Variants in DSC2 observed in about 807,000 individuals in gnomAD.
DSC2 encodes desmocollin 2, also known as desmocollin-2.
A neutral mutation model predicts 87.6 loss-of-function variants in DSC2; 51 were observed. That is an observed-to-expected ratio of 0.58 (90% CI 0.46 to 0.74). DSC2 has a LOEUF of 0.74. Among genes scored for constraint, DSC2 ranks in the 30% least tolerant of loss-of-function variants. The pLI is 0.00. For missense variants in DSC2, 1,066 were observed against 1,089.5 expected (o/e 0.98, Z 0.30); for synonymous variants, 383 against 393.2 (o/e 0.97, Z 0.31).
intron 5 of DSC2, among the ~76,000 whole-genome samples, chr18:31,088,023 C>G (rs953372028): frequency 5.9e-5 from 9 of 152,112 alleles, no homozygotes; most frequent in Admixed American, 1.3e-4. Context: ...TTAAATTTAT[C>G]TCTTTAAATT....
intron 1 of DSC2, among the ~76,000 whole-genome samples, chr18:31,096,140 A>G (rs576462140): frequency 2.0e-5 from 3 of 152,276 alleles, no homozygotes; most frequent in African/African-American, 7.2e-5. Context: ...TTTGAATGTG[A>G]TAGATCTGTC....
intron 6 of DSC2, 114 bp downstream of exon 6, chr18:31,087,555 A>C (rs1160846697): frequency 7.2e-6 from 9 of 1,249,994 alleles, no homozygotes; most frequent in Non-Finnish European, 1.0e-5. Flanking sequence ...AATTCCACCC[A>C]GAGTCCCTTA....
Position 31,070,764 on chromosome 18 carries a change from T to C in DSC2, c.2212A>G (p.Ile738Val). The C allele has an allele frequency of 6.2e-7, 1 of 1,613,928 alleles. No individual in the cohort carries two copies. The highest frequency in any genetic ancestry group is 2.2e-5 in the East Asian group (1 of 44,844). ...CCAGGAGCTTCTGTGTTTGATACAA[T>C]TAGGTTCTGCTGGGCTAAATCATCA... ...IPDDLAQQNL[I>V]VSNTEAPGDD... The change falls in exon 14 of 16, where the codon ATT becomes GTT. Residue 738 changes from isoleucine (I) to valine (V), a missense_variant. Ile to Val is a conservative substitution (Grantham distance 29). Transcript: ENST00000280904.
Position 31,065,667 on chromosome 18 carries a change from T to A in DSC2, c.*2348A>T, listed in dbSNP as rs926565716. On this transcript the variant is annotated 3_prime_UTR_variant, in exon 16 of 16. Transcript: ENST00000280904. ...GCTAGGGAAGAAGCCAAGGAAGGGA[T>A]TGACAGGGAGAATCTAAAATACACA... is the stretch of plus-strand genomic sequence containing the variant. The A allele has an allele frequency of 1.3e-5, 2 of 152,186 alleles. No individual in the cohort carries two copies. Among genetic ancestry groups the A allele is most frequent in the Non-Finnish European group, 2.9e-5 (2 of 68,040 alleles). The allele number at this position is 152,186 out of a possible 1,614,324, so 9.4% of individuals were successfully genotyped here.
chr18:31,074,801 T>C lies in DSC2; in HGVS notation c.1770A>G (p.Ser590=). The change falls in exon 12 of 16, where the codon TCA becomes TCG. Residue 590 remains serine (S), a synonymous_variant. Transcript: ENST00000280904. The part of the protein sequence containing the change: ...KTVIICKPTM[S]SAEIVAVDPD... The stretch of plus-strand genomic sequence containing the variant: ...GATCAACCGCAACAATCTCCGCAGA[T>C]GACATGGTGGGTTTGCAGATGATCA... 2 of 1,614,064 alleles carry C rather than the reference T, an allele frequency of 1.2e-6. No individual in the cohort carries two copies. Among genetic ancestry groups the C allele is most frequent in the African/African-American group, 1.3e-5 (1 of 75,052 alleles).
intron 1 of DSC2, chr18:31,101,620 A>C: frequency 1.5e-5 from 6 of 391,930 alleles, no homozygotes; most frequent in African/African-American, 2.1e-5. Context: ...CCCAGGGGCC[A>C]CGATTTTGGC....
chr18:31,068,549 C>T (rs1368947868), intron 15 of DSC2, among the ~76,000 whole-genome samples: 1 of 152,094 alleles, frequency 6.6e-6, no homozygotes, highest in African/African-American at 2.4e-5. Context: ...CAGTTCTTCC[C>T]AGATAGACAT....
In DSC2 at chr18:31,093,553, C is replaced by T. The variant is rs778131915; in HGVS notation, c.154+6G>A. 12 of 1,600,672 alleles carry T rather than the reference C, an allele frequency of 7.5e-6. No homozygotes were observed. The East Asian group carries it at 2.5e-4, about 33-fold the overall frequency. On this transcript the variant is annotated splice_donor_region_variant and intron_variant, in intron 2 of 15. Coordinates refer to ENST00000280904, the MANE Select transcript of DSC2 (RefSeq NM_024422.6). ...GGATTTATTACAAATTTTAGGGCTT[C>T]CTTACCTCTACCAACAAGTTTCTCG... is the stretch of plus-strand genomic sequence containing the variant.
chr18:31,068,852 A>G (rs1490171586), intron 15 of DSC2, 42 bp downstream of exon 15: 1 of 1,610,640 alleles, frequency 6.2e-7, no homozygotes, highest in Non-Finnish European at 8.5e-7. Context: ...TAAAGTTTAA[A>G]GAAAATTAAA....
At chr18:31,080,408 C>G in intron 9 of DSC2, 56 bp from the exon 10 acceptor site, 1 of 1,591,146 alleles carries the variant, frequency 6.3e-7, no homozygotes, top group Middle Eastern at 1.7e-4. Context: ...TTTGGCAATG[C>G]TAACGAGTAT....
intron 11 of DSC2, among the ~76,000 whole-genome samples, chr18:31,079,399 G>T (rs946898062): frequency 6.6e-6 from 1 of 151,976 alleles, no homozygotes; most frequent in East Asian, 1.9e-4. Context: ...GATTACAGGT[G>T]CATGCCACTA....
At position 31,060,736 on chromosome 18, in the gene DSC2, T is replaced by C. The variant is rs1986484679; in HGVS notation, c.*7279A>G. 6.6e-6 allele frequency: 1 copy of C among 152,226 alleles called. No homozygotes were observed. The highest frequency in any genetic ancestry group is 1.5e-5 in the Non-Finnish European group (1 of 68,040). The allele number at this position is 152,226 out of a possible 1,614,324, so 9.4% of individuals were successfully genotyped here. ...GCAAAACTTGTTAATTTTTATTAAA[T>C]GTTTTCTGTGTGGCTTTGTTCTGCA... On this transcript the variant is annotated 3_prime_UTR_variant, in exon 16 of 16. Transcript: ENST00000280904.
intron 11 of DSC2, among the ~76,000 whole-genome samples, chr18:31,078,782 TA>T (rs1368915832): frequency 9.9e-5 from 15 of 152,172 alleles, no homozygotes; most frequent in African/African-American, 3.6e-4. Context: ...TTGCAAGTTA[TA>T]GTATAATAAT....
chr18:31,087,566 T>C (rs1244843635), intron 6 of DSC2, 103 bp downstream of exon 6: 1 of 1,355,040 alleles, frequency 7.4e-7, no homozygotes, highest in African/African-American at 1.4e-5. Context: ...GAGTCCCTTA[T>C]TCTTGCTGCT....
intron 12 of DSC2, 134 bp from the exon 13 acceptor site, chr18:31,071,975 G>T (rs1986853616): frequency 1.2e-6 from 1 of 808,912 alleles, no homozygotes; most frequent in Admixed American, 2.0e-5. Context: ...GCTGCTAGAA[G>T]ATTCTAAATG....
At chr18:31,078,992 T>C (rs1294702464) in intron 11 of DSC2, among the ~76,000 whole-genome samples, 1 of 152,138 alleles carries the variant, frequency 6.6e-6, no homozygotes, top group Admixed American at 6.5e-5. Flanking sequence ...TCTCTAATTT[T>C]ATAATATACT....
rs200394368 is a variant in DSC2 at position 31,058,880 on chromosome 18, A to G, written c.*9135T>C. 2.6e-5 allele frequency: 4 copies of G among 152,278 alleles called. No homozygotes were observed. The East Asian group carries it at 7.7e-4, about 29-fold the overall frequency. The allele number at this position is 152,278 out of a possible 1,614,324, so 9.4% of individuals were successfully genotyped here. ...TTTAATAGTACGTCTCCGTGAACAT[A>G]TTATATCACTTCTGGGACTACATAT... is the stretch of plus-strand genomic sequence containing the variant. On this transcript the variant is annotated 3_prime_UTR_variant, in exon 16 of 16. Transcript: ENST00000280904.
rs748049261 is a variant in DSC2 at position 31,067,531 on chromosome 18, T to C, written c.*484A>G. ...CCTTTGCACAGTGAAAAGGTCACAT[T>C]ACAAGAATAAAATAATAGCAAGAAT... On this transcript the variant is annotated 3_prime_UTR_variant, in exon 16 of 16. Transcript: ENST00000280904. The C allele has an allele frequency of 3.1e-5, 5 of 163,212 alleles. No individual in the cohort carries two copies. The highest frequency in any genetic ancestry group is 1.2e-4 in the Admixed American group (2 of 16,858). The allele number at this position is 163,212 out of a possible 1,614,324, so 10.1% of individuals were successfully genotyped here.
chr18:31,071,986 T>C, intron 12 of DSC2, 145 bp from the exon 13 acceptor site: 1 of 779,384 alleles, frequency 1.3e-6, no homozygotes. Context: ...ATTCTAAATG[T>C]GAATGGCTAG....
Sources: gnomAD v4.1 joint callset for allele counts (sites outside exome capture counted in the v4.1 genomes callset) on GRCh38, gnomAD v4.1.1 for gene constraint, MANE v1.5 for transcripts, NCBI Gene and HGNC (gene_info 2026-07-23, HGNC 2026-07-21) for gene names.